Variants in TMEM132B observed in about 807,000 individuals in gnomAD.
TMEM132B encodes transmembrane protein 132B.
A neutral mutation model predicts 90.8 loss-of-function variants in TMEM132B; 18 were observed. The observed-to-expected ratio is 0.20, with a 90% CI of 0.14 to 0.29. The LOEUF is 0.29. TMEM132B is among the 10% of genes least tolerant of loss of function. The probability of loss-of-function intolerance (pLI) is 1.00; values close to 1 mark genes in which losing one functional copy is unlikely to be tolerated. For synonymous variants in TMEM132B, 504 were observed against 523.3 expected, an observed-to-expected ratio of 0.96 and a Z score of 0.50; for missense variants, 1,096 against 1,326.8, an observed-to-expected ratio of 0.83 and a Z score of 2.70.
chr12:125,227,027 A>T (rs548466744), intron 1 of TMEM132B, among the ~76,000 whole-genome samples: 4 of 152,192 alleles, frequency 2.6e-5, no homozygotes, highest in African/African-American at 9.6e-5. Context: ...TCACTTAAGG[A>T]TGTTCCCGGT....
intron 1 of TMEM132B, among the ~76,000 whole-genome samples, chr12:125,259,810 A>G (rs56008461): frequency 0.041 from 6,187 of 152,148 alleles, 441 homozygotes; most frequent in African/African-American, 0.14. Flanking sequence ...GAGAACGCGC[A>G]TACTGGTAAG....
intron 1 of TMEM132B, among the ~76,000 whole-genome samples, chr12:125,188,536 A>AC (rs1247722118): frequency 3.0e-4 from 18 of 60,616 alleles, no homozygotes; most frequent in East Asian, 1.1e-3. Context: ...TCCCCCTACC[A>AC]CCCCCCCACC....
At chr12:125,505,698 C>G (rs1210377497) in intron 3 of TMEM132B, among the ~76,000 whole-genome samples, 1 of 137,862 alleles carries the variant, frequency 7.3e-6, no homozygotes, top group Non-Finnish European at 1.5e-5. Context: ...AACCCCGTCT[C>G]AGAAAAAAAA....
At chr12:125,497,844 G>A (rs978323153) in intron 3 of TMEM132B, among the ~76,000 whole-genome samples, 5 of 152,236 alleles carry the variant, frequency 3.3e-5, no homozygotes, top group Admixed American at 6.5e-5. Context: ...GCCAGGAGTT[G>A]GGGTTGAGCA....
At chr12:125,476,017 G>A (rs1309310198) in intron 3 of TMEM132B, among the ~76,000 whole-genome samples, 1 of 152,044 alleles carries the variant, frequency 6.6e-6, no homozygotes, top group African/African-American at 2.4e-5. Context: ...TTTGCTCCTT[G>A]TAATTAAAAC....
chr12:125,281,538 A>G (rs1875175912), intron 1 of TMEM132B, among the ~76,000 whole-genome samples: 1 of 152,134 alleles, frequency 6.6e-6, no homozygotes, highest in South Asian at 2.1e-4. Flanking sequence ...TTTCTTGACC[A>G]TAAAACAGAG....
At chr12:125,411,332 G>A (rs1053586012) in intron 2 of TMEM132B, among the ~76,000 whole-genome samples, 2 of 148,104 alleles carry the variant, frequency 1.4e-5, no homozygotes, top group Non-Finnish European at 3.0e-5. Flanking sequence ...GGCATAGGGA[G>A]GGGAACATCA....
At chr12:125,382,661 T>G (rs550266714) in intron 2 of TMEM132B, among the ~76,000 whole-genome samples, 1 of 152,186 alleles carries the variant, frequency 6.6e-6, no homozygotes, top group Non-Finnish European at 1.5e-5. Flanking sequence ...AGTGTAAAAG[T>G]CTGTGAAAGA....
At chr12:125,583,746 G>A (rs924258260) in intron 4 of TMEM132B, 105 bp from the exon 5 acceptor site, 39 of 1,355,488 alleles carry the variant, frequency 2.9e-5, no homozygotes, top group East Asian at 6.9e-5. Context: ...TGTCTAAATC[G>A]CAGAACGAGA....
chr12:125,565,484 A>G (rs958070431), intron 4 of TMEM132B, among the ~76,000 whole-genome samples: 3 of 152,206 alleles, frequency 2.0e-5, no homozygotes, highest in African/African-American at 7.2e-5. Context: ...AACCAGCTCA[A>G]TGTCCCCTTG....
At chr12:125,253,870 G>T (rs1383830432) in intron 1 of TMEM132B, among the ~76,000 whole-genome samples, 1 of 152,172 alleles carries the variant, frequency 6.6e-6, no homozygotes, top group Non-Finnish European at 1.5e-5. Flanking sequence ...TCTGAACCTG[G>T]GTCTGACTTT....
rs1156734 is a variant in TMEM132B, at chr12:125,406,857, T to C, written c.960-8674T>C. 1.3e-5 allele frequency among the ~76,000 whole-genome samples: 2 copies of C among 152,048 alleles called. No individual in the cohort carries two copies. Among genetic ancestry groups the C allele is most frequent in the African/African-American group, 4.8e-5 (2 of 41,436 alleles). Reference sequence around the variant, plus strand: ...ACGCTGTTGTACTTATAAATATTGTTTATTCTAGTGAAAGGATACAAACTG... The same window carrying C: ...ACGCTGTTGTACTTATAAATATTGTCTATTCTAGTGAAAGGATACAAACTG... On this transcript the variant is annotated intron_variant, in intron 2 of 8. Coordinates refer to ENST00000682704, the MANE Select transcript of TMEM132B (RefSeq NM_001366854.1). The surrounding 1 kb of genome is among the most constrained non-coding windows in gnomAD (Gnocchi z 8.3).
intron 1 of TMEM132B, among the ~76,000 whole-genome samples, chr12:125,274,955 A>T (rs906327945): frequency 2.6e-5 from 4 of 152,178 alleles, no homozygotes; most frequent in Non-Finnish European, 5.9e-5. Flanking sequence ...TAACCTAAGG[A>T]TTCCAAGGAT....
At position 125,498,327 on chromosome 12, in the gene TMEM132B, T is replaced by C. The variant is rs1297249147; in HGVS notation, c.1107-21112T>C. On this transcript the variant is annotated intron_variant, in intron 3 of 8. Coordinates refer to ENST00000682704, the MANE Select transcript of TMEM132B (RefSeq NM_001366854.1). The surrounding 1 kb of genome is among the most constrained non-coding windows in gnomAD (Gnocchi z 4.5). Reference sequence around the variant, plus strand: ...GCATTAGTAGGAATTGCACTGAATATGTGCAATAAATCACTGTGTGTATGT... The same window carrying C: ...GCATTAGTAGGAATTGCACTGAATACGTGCAATAAATCACTGTGTGTATGT... Among the ~76,000 whole-genome samples, 3 of 152,244 alleles carry C rather than the reference T, an allele frequency of 2.0e-5. No individual in the cohort carries two copies. The highest frequency in any genetic ancestry group is 4.4e-5 in the Non-Finnish European group (3 of 68,032).
chr12:125,445,568 T>C lies in TMEM132B; in HGVS notation c.1106+29891T>C, dbSNP rs1880983675. 1.3e-5 allele frequency among the ~76,000 whole-genome samples: 2 copies of C among 152,232 alleles called. No individual in the cohort carries two copies. Among genetic ancestry groups the C allele is most frequent in the Non-Finnish European group, 2.9e-5 (2 of 68,036 alleles). ...TGCTCTTTTTTCTTCTTTTTCCTGC[T>C]GACATCTGGCTGCAGTGGTGCATGG... On this transcript the variant is annotated intron_variant, in intron 3 of 8. Coordinates refer to ENST00000682704, the MANE Select transcript of TMEM132B (RefSeq NM_001366854.1). The surrounding 1 kb of genome is among the most constrained non-coding windows in gnomAD (Gnocchi z 4.3).
chr12:125,340,449 C>T (rs966895084), intron 1 of TMEM132B, among the ~76,000 whole-genome samples: 9 of 152,038 alleles, frequency 5.9e-5, no homozygotes, highest in Middle Eastern at 3.4e-3. Context: ...TATACATACC[C>T]ATGCACAGAA....
At chr12:125,334,486 C>T (rs377313802) in intron 1 of TMEM132B, among the ~76,000 whole-genome samples, 2 of 152,310 alleles carry the variant, frequency 1.3e-5, no homozygotes, top group East Asian at 1.9e-4. Context: ...CAGGAAGTAA[C>T]AGGAGTAATA....
chr12:125,240,445 C>G (rs1874038993), intron 1 of TMEM132B, among the ~76,000 whole-genome samples: 1 of 152,126 alleles, frequency 6.6e-6, no homozygotes, highest in African/African-American at 2.4e-5. Flanking sequence ...ATGGGCCCTG[C>G]TAAGCTTCCT....
chr12:125,503,709 G>A (rs1882756362), intron 3 of TMEM132B, among the ~76,000 whole-genome samples: 1 of 152,168 alleles, frequency 6.6e-6, no homozygotes, highest in Non-Finnish European at 1.5e-5. Context: ...CCTGCAACTG[G>A]GTAGATGAGC....
Sources: allele counts gnomAD v4.1 joint callset (sites outside exome capture counted in the v4.1 genomes callset), GRCh38; gene constraint gnomAD v4.1.1; non-coding constraint Gnocchi (gnomAD v3.1); transcripts MANE v1.5; gene names NCBI Gene and HGNC (gene_info 2026-07-23, HGNC 2026-07-21).